The following ACLY variants were observed in gnomAD, a reference collection of about 807,000 sequenced individuals.
ACLY encodes ATP citrate lyase.
ACLY carries 41 observed loss-of-function variants against 133.0 expected under a neutral mutation model. The ratio of observed to expected loss-of-function variants is 0.31; its 90% CI spans 0.24 to 0.40. ACLY has a LOEUF of 0.40. ACLY is among the 10% of genes least tolerant of loss of function. ACLY has a pLI of 1.00. For synonymous variants in ACLY, 495 were observed against 549.3 expected (o/e 0.90, Z 1.38); for missense variants, 1,046 against 1,453.8 (o/e 0.72, Z 4.56).
At chr17:41,902,245 G>C (rs187741238) in intron 10 of ACLY, among the ~76,000 whole-genome samples, 26 of 152,254 alleles carry the variant, frequency 1.7e-4, no homozygotes, top group Admixed American at 1.7e-3. Flanking sequence ...ACAAATTCTC[G>C]CTCTGTCACC....
chr17:41,869,701 C>A (rs2048551738), intron 25 of ACLY, 114 bp from the exon 26 acceptor site: 5 of 816,834 alleles, frequency 6.1e-6, no homozygotes, highest in Non-Finnish European at 1.0e-5. Flanking sequence ...GATTCAGGAA[C>A]CTGGCCCACG....
chr17:41,887,856 G>A (rs769333999), intron 16 of ACLY, among the ~76,000 whole-genome samples, 153 bp from the exon 17 acceptor site: 87 of 152,122 alleles, frequency 5.7e-4, no homozygotes, highest in Non-Finnish European at 1.1e-3. Flanking sequence ...AGCCGGGCGC[G>A]GTGGCTCATG....
In ACLY at chr17:41,886,184, G is replaced by C; in HGVS notation, c.2000C>G (p.Ser667Cys). The change falls in exon 18 of 29, where the codon TCC becomes TGC. Residue 667 changes from serine to cysteine, a missense_variant. By Grantham distance (112) the Ser-to-Cys change is moderately radical. Coordinates refer to ENST00000352035, the MANE Select transcript of ACLY (RefSeq NM_001096.3). ...AGAGATGATATTGTTGAGCTCGTTG[G>C]ACATGCCTCCGGAACGTGAGACATA... ...VAYVSRSGGM[S>C]NELNNIISRT... 6.2e-7 allele frequency: 1 copy of C among 1,614,180 alleles called. No homozygotes were observed. The highest frequency in any genetic ancestry group is 8.5e-7 in the Non-Finnish European group (1 of 1,180,022).
At chr17:41,871,351 C>CT (rs550568825) in intron 25 of ACLY, among the ~76,000 whole-genome samples, 220 of 139,202 alleles carry the variant, frequency 1.6e-3, no homozygotes, top group East Asian at 7.2e-3. Flanking sequence ...ATCCATCCCA[C>CT]TTTTTTTTTT....
chr17:41,881,377 C>T (rs1176124435), intron 20 of ACLY, among the ~76,000 whole-genome samples: 4 of 139,284 alleles, frequency 2.9e-5, no homozygotes, highest in Admixed American at 7.5e-5. Context: ...GAGCTGAGAT[C>T]GCACCACTGC....
intron 20 of ACLY, 43 bp downstream of exon 20, chr17:41,883,079 C>G: frequency 6.6e-7 from 1 of 1,525,850 alleles, no homozygotes; most frequent in Non-Finnish European, 9.0e-7. Flanking sequence ...CCCCCTCTTG[C>G]AATCCCCACT....
At chr17:41,875,365 A>AG (rs1156638812) in intron 22 of ACLY, among the ~76,000 whole-genome samples, 2 of 148,176 alleles carry the variant, frequency 1.3e-5, no homozygotes, top group African/African-American at 2.5e-5. Context: ...AAAAAAAAAA[A>AG]GGGGGGACGA....
chr17:41,908,689 A>G (rs2049800048), intron 6 of ACLY, among the ~76,000 whole-genome samples: 3 of 152,184 alleles, frequency 2.0e-5, no homozygotes, highest in Admixed American at 1.3e-4. Context: ...GCTTGAGACC[A>G]GGAGGCGGAG....
rs1327358760 is a variant in ACLY, at chr17:41,875,553, TG to T, written c.2488-1589del. Among the ~76,000 whole-genome samples the T allele has an allele frequency of 2.0e-5, 3 of 152,152 alleles. No individual in the cohort carries two copies. In the East Asian group the frequency reaches 5.8e-4, roughly 29 times the overall value. On this transcript the variant is annotated intron_variant, in intron 22 of 28. Transcript: ENST00000352035. Reference sequence around the variant, plus strand: ...CTGCAACCTCCCTGCCTGATTCTCCTGCCTCAGCCTGCCGAGTGCCTGCGAT... The same window carrying T: ...CTGCAACCTCCCTGCCTGATTCTCCTCCTCAGCCTGCCGAGTGCCTGCGAT...
At chr17:41,920,574 G>A (rs1197896335), upstream of ACLY, among the ~76,000 whole-genome samples, 2 of 123,450 alleles carry the variant, frequency 1.6e-5, no homozygotes, top group African/African-American at 3.1e-5. Context: ...CTGGGTGACA[G>A]AGAAGGATTC....
At chr17:41,869,387 G>T in intron 26 of ACLY, 87 bp downstream of exon 26, 2 of 1,145,610 alleles carry the variant, frequency 1.7e-6, no homozygotes, top group South Asian at 2.6e-5. Flanking sequence ...TTTGCTTTTA[G>T]CTGCATAATC....
chr17:41,901,622 C>T (rs1168627946), intron 11 of ACLY, 74 bp downstream of exon 11: 2 of 1,284,002 alleles, frequency 1.6e-6, no homozygotes, highest in East Asian at 2.3e-5. Context: ...GACTGATGCT[C>T]AGGAATCAGA....
chr17:41,904,394 A>C, intron 10 of ACLY: 1 of 236,470 alleles, frequency 4.2e-6, no homozygotes, highest in Non-Finnish European at 8.3e-6. Context: ...AGGGAAAGGA[A>C]GAGAAGGGAA....
At chr17:41,919,949 C>T (rs1465106893), upstream of ACLY, among the ~76,000 whole-genome samples, 1 of 152,182 alleles carries the variant, frequency 6.6e-6, no homozygotes, top group Admixed American at 6.5e-5. Flanking sequence ...GCACCCCAAC[C>T]CTGTAGGTCC....
At chr17:41,876,041 G>A (rs1398791754) in intron 22 of ACLY, among the ~76,000 whole-genome samples, 25 of 151,650 alleles carry the variant, frequency 1.6e-4, no homozygotes, top group African/African-American at 3.2e-4. Flanking sequence ...GGTGAGGAGC[G>A]TCTCTGCCCG....
At chr17:41,923,680 A>G (rs1316473980), upstream of ACLY, among the ~76,000 whole-genome samples, 1 of 152,212 alleles carries the variant, frequency 6.6e-6, no homozygotes, top group Non-Finnish European at 1.5e-5. Flanking sequence ...CACTGTAAAC[A>G]TGACTAAAAA....
upstream of ACLY, among the ~76,000 whole-genome samples, chr17:41,923,808 G>T (rs782586552): frequency 3.9e-5 from 6 of 152,012 alleles, no homozygotes; most frequent in South Asian, 8.3e-4. Flanking sequence ...CTATTTTTTT[G>T]TTTGTTTGTT....
chr17:41,919,205 G>C (rs1719704490), upstream of ACLY, among the ~76,000 whole-genome samples: 1 of 152,178 alleles, frequency 6.6e-6, no homozygotes, highest in South Asian at 2.1e-4. Context: ...GGGGCCCCGG[G>C]TGGGGAGATG....
At chr17:41,925,794 AC>A (rs2050236500) in intron 1 of ACLY, among the ~76,000 whole-genome samples, 1 of 150,718 alleles carries the variant, frequency 6.6e-6, no homozygotes, top group African/African-American at 2.4e-5. Flanking sequence ...CTTTCACAGG[AC>A]CCCCTGCTAG....
Sources: allele counts gnomAD v4.1 joint callset (sites outside exome capture counted in the v4.1 genomes callset), GRCh38; gene constraint gnomAD v4.1.1; transcripts MANE v1.5; gene names NCBI Gene and HGNC (gene_info 2026-07-23, HGNC 2026-07-21).